The following WIPF1 variants were observed in gnomAD, a reference collection of about 807,000 sequenced individuals.
The protein encoded by WIPF1 is WAS/WASL interacting protein family member 1.
In WIPF1, 13 loss-of-function variants were observed where a neutral mutation model predicts 35.4. That is an observed-to-expected ratio of 0.37 (90% CI 0.24 to 0.58). The LOEUF (loss-of-function observed/expected upper bound fraction) is 0.58, where lower values mean the gene tolerates loss of function less well. Ranked by LOEUF, WIPF1 falls within the 20% of genes least tolerant of loss-of-function variation. The pLI, the probability that WIPF1 is intolerant of heterozygous loss-of-function variation, is 0.74. For missense variants in WIPF1, 591 were observed against 667.0 expected (o/e 0.89, Z 1.25); for synonymous variants, 267 against 266.3 (o/e 1.00, Z -0.02).
chr2:174,570,951 T>C (rs1398184977), intron 5 of WIPF1, among the ~76,000 whole-genome samples: 1 of 152,220 alleles, frequency 6.6e-6, no homozygotes, highest in African/African-American at 2.4e-5. Flanking sequence ...AATCCTCACA[T>C]TTCCTTTCAT....
At chr2:174,675,568 G>C (rs1041956731) in intron 1 of WIPF1, among the ~76,000 whole-genome samples, 3 of 151,844 alleles carry the variant, frequency 2.0e-5, no homozygotes, top group Admixed American at 6.6e-5. Context: ...TGCCCAAGCT[G>C]GTCTCGATCT....
chr2:174,567,031 C>G, intron 7 of WIPF1, 39 bp downstream of exon 7: 25 of 1,596,910 alleles, frequency 1.6e-5, no homozygotes, highest in Non-Finnish European at 2.1e-5. Flanking sequence ...TCAGGCTACT[C>G]AAGCGTGAAT....
chr2:174,673,061 G>A (rs1308889186), intron 1 of WIPF1, among the ~76,000 whole-genome samples: 1 of 152,170 alleles, frequency 6.6e-6, no homozygotes, highest in Non-Finnish European at 1.5e-5. Context: ...GCATATGGGG[G>A]CCTCAAAAAG....
chr2:174,571,231 G>C lies in WIPF1; in HGVS notation c.1129+445C>G. 3.3e-6 allele frequency: 1 copy of C among 301,872 alleles called. No homozygotes were observed. 18.7% of individuals were successfully genotyped at this position (301,872 alleles called of 1,614,324 possible). ...GGCCTCAAAGCCTGGCGAATGAAGA[G>C]AGAAGTACAGGAGAAGTTCATTAGC... On this transcript the variant is annotated intron_variant, in intron 5 of 7. Coordinates refer to ENST00000679041, the MANE Select transcript of WIPF1 (RefSeq NM_001375834.1). This position sits in a 1 kb window ranked among gnomAD's most constrained non-coding sequence, Gnocchi z 4.6.
In WIPF1 at chr2:174,572,288, T is replaced by C. The variant is rs1345061921; in HGVS notation, c.517A>G (p.Arg173Gly). 1 of 1,613,942 alleles carries C rather than the reference T, an allele frequency of 6.2e-7. No individual in the cohort carries two copies. Among genetic ancestry groups the C allele is most frequent in the Non-Finnish European group, 8.5e-7 (1 of 1,180,006 alleles). ...TCAGGCTTTGAGCCCACGTCGGGCC[T>C]TGGGGGCGGCATTCGGTTCCTCTGA... ...EPQRNRMPPPRPDVGSKPDSI... is the reference protein window; with the variant it reads ...EPQRNRMPPPGPDVGSKPDSI... The change falls in exon 5 of 8, where the codon AGG becomes GGG. Residue 173 changes from arginine (R) to glycine (G), a missense_variant. Arg to Gly is a moderately radical substitution (Grantham distance 125). Transcript: ENST00000679041.
intron 1 of WIPF1, among the ~76,000 whole-genome samples, chr2:174,664,869 G>C (rs1687856174): frequency 6.6e-6 from 1 of 152,182 alleles, no homozygotes; most frequent in Non-Finnish European, 1.5e-5. Flanking sequence ...CTGGGCTCAA[G>C]TGATCCTTTC....
At chr2:174,639,167 C>T (rs1017373310) in intron 1 of WIPF1, among the ~76,000 whole-genome samples, 1 of 152,180 alleles carries the variant, frequency 6.6e-6, no homozygotes, top group Non-Finnish European at 1.5e-5. Flanking sequence ...TGAAGTATAT[C>T]TCACTGTGGT....
chr2:174,626,390 G>C (rs899554125), intron 1 of WIPF1, among the ~76,000 whole-genome samples: 2 of 152,108 alleles, frequency 1.3e-5, no homozygotes, highest in Non-Finnish European at 2.9e-5. Context: ...GATGAATTTA[G>C]GAGTGATATT....
chr2:174,652,259 A>G (rs773441304), intron 1 of WIPF1, among the ~76,000 whole-genome samples: 4 of 152,202 alleles, frequency 2.6e-5, no homozygotes, highest in Non-Finnish European at 5.9e-5. Context: ...TCATGTTTTA[A>G]AATACCTACA....
chr2:174,655,658 G>C (rs1369304872), intron 1 of WIPF1: 1 of 152,222 alleles, frequency 6.6e-6, no homozygotes, highest in African/African-American at 2.4e-5. Flanking sequence ...TCCACAGGAT[G>C]ACTCCTCTAT....
intron 5 of WIPF1, among the ~76,000 whole-genome samples, chr2:174,569,032 C>G (rs1208112462): frequency 2.6e-5 from 4 of 152,042 alleles, no homozygotes. Flanking sequence ...AAAAACAAAA[C>G]CAAAAACTTG....
At chr2:174,644,920 T>C (rs1687372991) in intron 1 of WIPF1, among the ~76,000 whole-genome samples, 2 of 152,242 alleles carry the variant, frequency 1.3e-5, no homozygotes, top group South Asian at 2.1e-4. Context: ...TGGAGGGATA[T>C]GGCGGAAATT....
chr2:174,564,289 A>T (rs985395211), intron 7 of WIPF1, among the ~76,000 whole-genome samples: 2 of 152,214 alleles, frequency 1.3e-5, no homozygotes, highest in Non-Finnish European at 2.9e-5. Flanking sequence ...TCTACAAAAA[A>T]ATTTTGGTAG....
chr2:174,625,403 T>C (rs886759819), intron 1 of WIPF1, among the ~76,000 whole-genome samples: 1 of 152,186 alleles, frequency 6.6e-6, no homozygotes, highest in Non-Finnish European at 1.5e-5. Flanking sequence ...ATTATTTCAC[T>C]GAAATGCCCG....
chr2:174,639,675 C>T (rs1687257082), intron 1 of WIPF1, among the ~76,000 whole-genome samples: 1 of 152,152 alleles, frequency 6.6e-6, no homozygotes, highest in South Asian at 2.1e-4. Flanking sequence ...TCTCTTCACT[C>T]TGAATAGTTT....
intron 1 of WIPF1, among the ~76,000 whole-genome samples, chr2:174,619,315 T>G (rs749055559): frequency 6.6e-6 from 1 of 152,206 alleles, no homozygotes; most frequent in East Asian, 1.9e-4. Context: ...TTATTTAACA[T>G]TTACTTAATC....
intron 1 of WIPF1, among the ~76,000 whole-genome samples, chr2:174,681,199 C>A (rs139293991): frequency 6.6e-6 from 1 of 152,186 alleles, no homozygotes; most frequent in Admixed American, 6.5e-5. Flanking sequence ...GACAATATTA[C>A]GGAACTGGTT....
rs1013513013 is a variant in WIPF1 at position 174,575,390 on chromosome 2, A to G, written c.182-10T>C. 18 of 1,601,866 alleles carry G rather than the reference A, an allele frequency of 1.1e-5. No individual in the cohort carries two copies. Among genetic ancestry groups the G allele is most frequent in the Non-Finnish European group, 1.4e-5 (16 of 1,173,322 alleles). The stretch of plus-strand genomic sequence containing the variant: ...CCAGCTCCTTTAGGTTCTGTAGAAG[A>G]AGAGACACCCGACAGACTATGCCCC... On this transcript the variant is annotated splice_polypyrimidine_tract_variant and intron_variant, in intron 3 of 7. Transcript: ENST00000679041.
At chr2:174,674,948 A>ACACACAC (rs576751803) in intron 1 of WIPF1, among the ~76,000 whole-genome samples, 1 of 147,082 alleles carries the variant, frequency 6.8e-6, no homozygotes, top group African/African-American at 2.5e-5. Context: ...ACACACACAC[A>ACACACAC]GATGTTCCAG....
Sources: allele counts gnomAD v4.1 joint callset (sites outside exome capture counted in the v4.1 genomes callset), GRCh38; gene constraint gnomAD v4.1.1; non-coding constraint Gnocchi (gnomAD v3.1); transcripts MANE v1.5; gene names NCBI Gene and HGNC (gene_info 2026-07-23, HGNC 2026-07-21).